Variants in MSRA observed in about 807,000 individuals in gnomAD.
MSRA encodes mitochondrial peptide methionine sulfoxide reductase.
A neutral mutation model predicts 31.3 loss-of-function variants in MSRA; 54 were observed. That is an observed-to-expected ratio of 1.73 (90% CI 1.39 to 2.17). MSRA has a LOEUF of 2.17. Ranked by LOEUF, MSRA falls within the 30% of genes most tolerant of loss-of-function variation. The pLI, the probability that MSRA is intolerant of heterozygous loss-of-function variation, is 0.00. For missense variants in MSRA, 507 were observed against 300.9 expected (o/e 1.69, Z -5.07); for synonymous variants, 169 against 116.5 (o/e 1.45, Z -2.90).
chr8:10,291,119 C>A (rs543119641), intron 3 of MSRA, among the ~76,000 whole-genome samples: 1 of 152,180 alleles, frequency 6.6e-6, no homozygotes, highest in African/African-American at 2.4e-5. Context: ...CAGTTAGAAA[C>A]CTCCAGTGCA....
intron 1 of MSRA, among the ~76,000 whole-genome samples, chr8:10,180,777 G>A (rs1806469852): frequency 6.6e-6 from 1 of 152,212 alleles, no homozygotes; most frequent in Non-Finnish European, 1.5e-5. Context: ...TTGTGGTTTA[G>A]TTTACTTCAG....
chr8:10,379,355 G>A (rs1805925235), intron 5 of MSRA, among the ~76,000 whole-genome samples: 1 of 152,152 alleles, frequency 6.6e-6, no homozygotes, highest in Non-Finnish European at 1.5e-5. Flanking sequence ...AATCTGCAGG[G>A]ATGGATCACC....
At chr8:10,133,456 T>C (rs906680309) in intron 1 of MSRA, among the ~76,000 whole-genome samples, 4 of 152,126 alleles carry the variant, frequency 2.6e-5, no homozygotes, top group Non-Finnish European at 5.9e-5. Flanking sequence ...TGGGCACAAA[T>C]AAGGTCTTAG....
At chr8:10,385,925 A>G (rs1338014677) in intron 5 of MSRA, among the ~76,000 whole-genome samples, 2 of 152,160 alleles carry the variant, frequency 1.3e-5, no homozygotes, top group Non-Finnish European at 2.9e-5. Context: ...GAGGAGGACA[A>G]TACGCGATCA....
intron 5 of MSRA, among the ~76,000 whole-genome samples, chr8:10,328,054 G>GTTTTTTTTTT (rs1563356091): frequency 3.4e-5 from 2 of 58,946 alleles, no homozygotes; most frequent in African/African-American, 1.8e-4. Flanking sequence ...TTTTTTTTTA[G>GTTTTTTTTTT]TATCAGTGAC....
chr8:10,426,700 C>T (rs988373089), intron 5 of MSRA, among the ~76,000 whole-genome samples: 1 of 152,234 alleles, frequency 6.6e-6, no homozygotes, highest in Non-Finnish European at 1.5e-5. Context: ...GGCACAGTAT[C>T]TGATACACAC....
intron 1 of MSRA, among the ~76,000 whole-genome samples, chr8:10,181,596 A>G (rs991728859): frequency 2.0e-5 from 3 of 152,164 alleles, no homozygotes; most frequent in Admixed American, 6.5e-5. Flanking sequence ...ACATGATTGT[A>G]TTTACATTTA....
chr8:10,371,654 A>T (rs779086027), intron 5 of MSRA, among the ~76,000 whole-genome samples: 2 of 151,866 alleles, frequency 1.3e-5, no homozygotes, highest in Non-Finnish European at 2.9e-5. Flanking sequence ...CCCTCCACCT[A>T]CCGCCTGTTA....
intron 3 of MSRA, among the ~76,000 whole-genome samples, chr8:10,273,388 A>C (rs1234516641): frequency 2.6e-5 from 4 of 152,106 alleles, no homozygotes; most frequent in Non-Finnish European, 5.9e-5. Flanking sequence ...TCTACCCCCT[A>C]GTAGTTGTGC....
chr8:10,308,193 C>G (rs1290003930), intron 4 of MSRA, among the ~76,000 whole-genome samples: 3 of 152,198 alleles, frequency 2.0e-5, no homozygotes, highest in Non-Finnish European at 4.4e-5. Flanking sequence ...CCTTCTTATT[C>G]TCATTTTCTA....
At chr8:10,353,401 C>T (rs905976464) in intron 5 of MSRA, among the ~76,000 whole-genome samples, 6 of 152,140 alleles carry the variant, frequency 3.9e-5, no homozygotes, top group South Asian at 4.1e-4. Context: ...GTGGCGTGTA[C>T]GGAGGAGGGA....
chr8:10,237,724 C>A (rs771187811), intron 2 of MSRA, among the ~76,000 whole-genome samples: 2 of 152,214 alleles, frequency 1.3e-5, no homozygotes, highest in African/African-American at 2.4e-5. Context: ...TTCGAGTCAG[C>A]CATAACCCTC....
chr8:10,301,069 G>A (rs893158932), intron 3 of MSRA, among the ~76,000 whole-genome samples: 12 of 152,172 alleles, frequency 7.9e-5, no homozygotes, highest in Non-Finnish European at 1.6e-4. Flanking sequence ...GTGAACGAGT[G>A]ATCAGCCTGT....
chr8:10,169,917 CTTTTT>C (rs71538069), intron 1 of MSRA, among the ~76,000 whole-genome samples: 1 of 131,950 alleles, frequency 7.6e-6, no homozygotes, highest in Non-Finnish European at 1.6e-5. Flanking sequence ...TTCTTTCTTT[CTTTTT>C]TTTTTTTTTT....
intron 1 of MSRA, among the ~76,000 whole-genome samples, chr8:10,070,019 T>TAAA (rs1203680776): frequency 6.6e-6 from 1 of 152,214 alleles, no homozygotes; most frequent in Non-Finnish European, 1.5e-5. Flanking sequence ...ACCTCCCTGT[T>TAAA]AAATCTTGCC....
At chr8:10,357,468 G>C (rs1336017350) in intron 5 of MSRA, among the ~76,000 whole-genome samples, 2 of 152,122 alleles carry the variant, frequency 1.3e-5, no homozygotes, top group Non-Finnish European at 2.9e-5. Flanking sequence ...CATTTGATGG[G>C]TTTCAGTCCA....
At chr8:10,216,306 A>C (rs1199968992) in intron 2 of MSRA, among the ~76,000 whole-genome samples, 5 of 152,256 alleles carry the variant, frequency 3.3e-5, no homozygotes, top group Non-Finnish European at 5.9e-5. Flanking sequence ...TCATAATCTT[A>C]CATAATTTAT....
intron 1 of MSRA, among the ~76,000 whole-genome samples, chr8:10,098,755 C>G (rs557540357): frequency 6.6e-6 from 1 of 152,262 alleles, no homozygotes; most frequent in African/African-American, 2.4e-5. Context: ...GGCCAGAAAA[C>G]TTGAGTTGTT....
At chr8:10,364,898 C>G (rs1805068178) in intron 5 of MSRA, among the ~76,000 whole-genome samples, 1 of 152,140 alleles carries the variant, frequency 6.6e-6, no homozygotes, top group African/African-American at 2.4e-5. Flanking sequence ...GTGAATCCTT[C>G]CTCCCCAAAA....
Sources: gnomAD v4.1 joint callset for allele counts (sites outside exome capture counted in the v4.1 genomes callset) on GRCh38, gnomAD v4.1.1 for gene constraint, MANE v1.5 for transcripts, NCBI Gene and HGNC (gene_info 2026-07-23, HGNC 2026-07-21) for gene names.